HCK: variants seen among roughly 807,000 people sequenced by gnomAD.
HCK encodes HCK proto-oncogene, Src family tyrosine kinase.
HCK carries 40 observed loss-of-function variants against 70.4 expected under a neutral mutation model. The ratio of observed to expected loss-of-function variants is 0.57; its 90% CI spans 0.44 to 0.74. The LOEUF is 0.74. Among genes scored for constraint, HCK ranks in the 30% least tolerant of loss-of-function variants. The pLI, the probability that HCK is intolerant of heterozygous loss-of-function variation, is 0.00. For synonymous variants in HCK, 245 were observed against 263.2 expected (o/e 0.93, Z 0.67); for missense variants, 568 against 697.2 (o/e 0.81, Z 2.09).
intron 6 of HCK, among the ~76,000 whole-genome samples, chr20:32,080,966 G>C (rs2045702170): frequency 6.6e-6 from 1 of 151,990 alleles, no homozygotes; most frequent in Non-Finnish European, 1.5e-5. Context: ...GTGCACATCT[G>C]TACTCCCTGA....
chr20:32,061,877 C>T (rs912433978), intron 1 of HCK, among the ~76,000 whole-genome samples: 1 of 150,936 alleles, frequency 6.6e-6, no homozygotes, highest in African/African-American at 2.4e-5. Context: ...GCTTTTACTC[C>T]AAGTGAGACG....
At chr20:32,061,381 C>T (rs948246979) in intron 1 of HCK, among the ~76,000 whole-genome samples, 10 of 152,224 alleles carry the variant, frequency 6.6e-5, no homozygotes, top group Non-Finnish European at 1.3e-4. Context: ...TTCGGTCTCC[C>T]TGCCACACTC....
At chr20:32,069,881 T>A (rs911471332) in intron 1 of HCK, 14 of 597,838 alleles carry the variant, frequency 2.3e-5, no homozygotes, top group Non-Finnish European at 3.5e-5. Flanking sequence ...ATAACTGAGT[T>A]CTAACTGCTT....
intron 2 of HCK, 192 bp downstream of exon 2, chr20:32,071,974 C>A: frequency 1.5e-6 from 1 of 648,402 alleles, no homozygotes; most frequent in South Asian, 2.1e-5. Context: ...GCAAAGAAGT[C>A]ATCTCTCTTT....
intron 8 of HCK, 98 bp downstream of exon 8, chr20:32,084,641 C>T (rs917581341): frequency 1.8e-6 from 2 of 1,129,880 alleles, no homozygotes; most frequent in African/African-American, 1.6e-5. Flanking sequence ...GGGAATGCTA[C>T]CCAAGGCAGA....
At chr20:32,084,569 A>C in intron 8 of HCK, 26 bp downstream of exon 8, 1 of 1,596,218 alleles carries the variant, frequency 6.3e-7, no homozygotes, top group Non-Finnish European at 8.5e-7. Context: ...CACAGCCCAC[A>C]GGGCCAGAGG....
At position 32,052,316 on chromosome 20, in the gene HCK, G is replaced by A. The variant is rs558625870; in HGVS notation, c.-109G>A. On this transcript the variant is annotated 5_prime_UTR_variant, in exon 1 of 13. Coordinates refer to ENST00000375852, the MANE Select transcript of HCK (RefSeq NM_002110.5). ...GTGGGAAGGGACTCAGACAGTGCAG[G>A]ACGAGAAACGCCCGCGGCACCAAAG... 13 of 754,370 alleles carry A rather than the reference G, an allele frequency of 1.7e-5. No individual in the cohort carries two copies. The South Asian group carries it at 5.9e-4, about 34-fold the overall frequency. 46.7% of individuals were successfully genotyped at this position (754,370 alleles called of 1,614,324 possible).
At chr20:32,071,394 C>T (rs2045536234) in intron 1 of HCK, among the ~76,000 whole-genome samples, 1 of 152,256 alleles carries the variant, frequency 6.6e-6, no homozygotes, top group Admixed American at 6.5e-5. Context: ...ACATCCATCA[C>T]GCTGGTCCTT....
At chr20:32,079,166 G>A (rs888283514) in intron 5 of HCK, among the ~76,000 whole-genome samples, 3 of 152,216 alleles carry the variant, frequency 2.0e-5, no homozygotes, top group African/African-American at 7.2e-5. Context: ...TGAAGAAAAT[G>A]TCCCAGGATA....
intron 5 of HCK, 69 bp downstream of exon 5, chr20:32,074,790 C>T (rs2045598254): frequency 5.8e-6 from 6 of 1,038,528 alleles, no homozygotes; most frequent in Non-Finnish European, 7.6e-6. Flanking sequence ...CAACTCAGGA[C>T]GTCTGCACAC....
intron 1 of HCK, 30 bp downstream of exon 1, chr20:32,052,516 AC>A: frequency 8.0e-7 from 1 of 1,256,966 alleles, no homozygotes; most frequent in Non-Finnish European, 1.0e-6. Context: ...GACCGGGAAT[AC>A]CCGGCCCGCG....
At chr20:32,083,698 G>C (rs1053560923) in intron 6 of HCK, among the ~76,000 whole-genome samples, 196 bp from the exon 7 acceptor site, 2 of 152,196 alleles carry the variant, frequency 1.3e-5, no homozygotes, top group Non-Finnish European at 2.9e-5. Context: ...CATGGCCAAG[G>C]TCTCACGGGT....
intron 1 of HCK, among the ~76,000 whole-genome samples, chr20:32,052,890 C>T (rs1041768429): frequency 6.6e-6 from 1 of 151,532 alleles, no homozygotes; most frequent in African/African-American, 2.4e-5. Flanking sequence ...CGGTGGGGGC[C>T]GGGTCACGCC....
chr20:32,074,569 G>A (rs2045594098), intron 4 of HCK, 54 bp from the exon 5 acceptor site: 12 of 1,329,310 alleles, frequency 9.0e-6, no homozygotes, highest in Non-Finnish European at 1.3e-5. Context: ...AGCTTGAGGA[G>A]ACTGGAGAAT....
intron 1 of HCK, among the ~76,000 whole-genome samples, chr20:32,059,953 T>C (rs1241536783): frequency 6.6e-6 from 1 of 151,860 alleles, no homozygotes; most frequent in Admixed American, 6.6e-5. Flanking sequence ...ATAAAAAAAA[T>C]GTAAAAGGAT....
At chr20:32,055,450 A>G (rs2045256365) in intron 1 of HCK, among the ~76,000 whole-genome samples, 1 of 152,210 alleles carries the variant, frequency 6.6e-6, no homozygotes, top group Non-Finnish European at 1.5e-5. Context: ...TGCACTTTTA[A>G]ATTAACATAA....
Position 32,079,853 on chromosome 20 carries a change from A to G in HCK, c.508A>G (p.Ile170Val). The G allele has an allele frequency of 1.2e-6, 2 of 1,613,748 alleles. No individual in the cohort carries two copies. The highest frequency in any genetic ancestry group is 1.7e-6 in the Non-Finnish European group (2 of 1,179,684). Residue 170 changes from isoleucine to valine, a missense_variant, in exon 6 of 13, where the codon ATC (isoleucine) becomes GTC (valine). Ile to Val is a conservative substitution (Grantham distance 29). Coordinates refer to ENST00000375852, the MANE Select transcript of HCK (RefSeq NM_002110.5). The stretch of plus-strand genomic sequence containing the variant: ...CGGCAACATGCTGGGCTCCTTCATG[A>G]TCCGGGATAGCGAGACCACTAAAGG...
rs368008295 is a variant in HCK at position 32,071,938 on chromosome 20, C to T, written c.183+156C>T. 197 of 875,784 alleles carry T rather than the reference C, an allele frequency of 2.2e-4. 2 individuals are homozygous for T. The South Asian group carries it at 3.2e-3, about 14-fold the overall frequency. The allele number at this position is 875,784 out of a possible 1,614,324, so 54.3% of individuals were successfully genotyped here. On this transcript the variant is annotated intron_variant, in intron 2 of 12. Coordinates refer to ENST00000375852, the MANE Select transcript of HCK (RefSeq NM_002110.5). Reference sequence around the variant, plus strand: ...AGTGTCCTGACTCGACTCTCCGGGACGCAGCGCCAGCCAGCATGCATAGGG... The same window carrying T: ...AGTGTCCTGACTCGACTCTCCGGGATGCAGCGCCAGCCAGCATGCATAGGG...
intron 12 of HCK, among the ~76,000 whole-genome samples, chr20:32,099,407 G>A (rs548283876): frequency 1.2e-4 from 18 of 144,116 alleles, no homozygotes; most frequent in African/African-American, 4.6e-4. Flanking sequence ...ACCCAGGCTG[G>A]AGTGCAGTGA....
Sources: allele counts gnomAD v4.1 joint callset (sites outside exome capture counted in the v4.1 genomes callset), GRCh38; gene constraint gnomAD v4.1.1; transcripts MANE v1.5; gene names NCBI Gene and HGNC (gene_info 2026-07-23, HGNC 2026-07-21).